The following FRAS1 variants were observed in gnomAD, a reference collection of about 807,000 sequenced individuals.
FRAS1 encodes extracellular matrix organizing protein FRAS1.
In FRAS1, 290 loss-of-function variants were observed where a neutral mutation model predicts 435.2. That is an observed-to-expected ratio of 0.67 (90% confidence interval 0.61 to 0.73). FRAS1 has a LOEUF of 0.73. Ranked by LOEUF, FRAS1 falls within the 30% of genes least tolerant of loss-of-function variation. The pLI is 0.00. For missense variants in FRAS1, 4,860 were observed against 5,001.5 expected, an observed-to-expected ratio of 0.97 and a Z score of 0.85; for synonymous variants, 1,800 against 1,851.0, an observed-to-expected ratio of 0.97 and a Z score of 0.71.
At chr4:78,517,741 G>T (rs924592655) in intron 66 of FRAS1, among the ~76,000 whole-genome samples, 1 of 151,998 alleles carries the variant, frequency 6.6e-6, no homozygotes, top group Middle Eastern at 3.2e-3. Flanking sequence ...ATATTTGTTG[G>T]GTTTTTTTTT....
At chr4:78,116,330 C>G (rs201798371) in intron 2 of FRAS1, among the ~76,000 whole-genome samples, 1 of 152,168 alleles carries the variant, frequency 6.6e-6, no homozygotes, top group East Asian at 1.9e-4. Context: ...GAGAGTTCTG[C>G]AGATGTCTAT....
intron 4 of FRAS1, among the ~76,000 whole-genome samples, chr4:78,250,524 T>G (rs1232551982): frequency 6.6e-6 from 1 of 152,184 alleles, no homozygotes; most frequent in Non-Finnish European, 1.5e-5. Context: ...ATCATTTTCT[T>G]CAGATAACAT....
chr4:78,474,046 C>T (rs1719791699), intron 53 of FRAS1, among the ~76,000 whole-genome samples: 1 of 152,200 alleles, frequency 6.6e-6, no homozygotes, highest in African/African-American at 2.4e-5. Flanking sequence ...TAAAAATAGG[C>T]ATTCAAGTTT....
intron 6 of FRAS1, among the ~76,000 whole-genome samples, chr4:78,259,974 C>T (rs1725999433): frequency 6.6e-6 from 1 of 152,124 alleles, no homozygotes; most frequent in South Asian, 2.1e-4. Flanking sequence ...AATCCTTTCC[C>T]CATTGCTTGT....
intron 61 of FRAS1, among the ~76,000 whole-genome samples, chr4:78,502,022 G>A (rs1472891101): frequency 6.6e-6 from 1 of 152,152 alleles, no homozygotes. Flanking sequence ...AAGATCAGAT[G>A]GTTGTAAATG....
At chr4:78,275,701 C>T (rs1285317675) in intron 9 of FRAS1, among the ~76,000 whole-genome samples, 2 of 152,196 alleles carry the variant, frequency 1.3e-5, no homozygotes, top group Non-Finnish European at 2.9e-5. Flanking sequence ...GTCTGATGGG[C>T]TTCCCTTTGT....
intron 66 of FRAS1, 76 bp from the exon 67 acceptor site, chr4:78,519,255 A>G: frequency 7.6e-7 from 1 of 1,322,152 alleles, no homozygotes. Context: ...ATGAAAATGG[A>G]ACCAAGATGT....
At chr4:78,430,719 G>A (rs915002810) in intron 37 of FRAS1, among the ~76,000 whole-genome samples, 5 of 152,018 alleles carry the variant, frequency 3.3e-5, no homozygotes, top group Non-Finnish European at 7.4e-5. Flanking sequence ...CACCATATGA[G>A]GGATCAGCTG....
At chr4:78,186,140 G>A (rs1278062353) in intron 2 of FRAS1, among the ~76,000 whole-genome samples, 1 of 152,150 alleles carries the variant, frequency 6.6e-6, no homozygotes, top group African/African-American at 2.4e-5. Flanking sequence ...ACTTGCAGAA[G>A]ATTCATATTT....
intron 3 of FRAS1, among the ~76,000 whole-genome samples, 164 bp downstream of exon 3, chr4:78,237,781 A>G (rs923637302): frequency 1.3e-5 from 2 of 152,126 alleles, no homozygotes; most frequent in African/African-American, 4.8e-5. Context: ...AGAATATCCT[A>G]TTTTCCAGAA....
intron 22 of FRAS1, among the ~76,000 whole-genome samples, chr4:78,366,685 A>C (rs1045279366): frequency 6.6e-6 from 1 of 152,142 alleles, no homozygotes; most frequent in Admixed American, 6.5e-5. Flanking sequence ...AGCTTCCCTC[A>C]GTGGTTTCTG....
intron 2 of FRAS1, among the ~76,000 whole-genome samples, chr4:78,082,089 G>A (rs1184448444): frequency 1.3e-5 from 2 of 152,016 alleles, no homozygotes; most frequent in Non-Finnish European, 2.9e-5. Flanking sequence ...TGCAATGTCT[G>A]TAAGTTTTTG....
rs1312632911 is a variant in FRAS1 at position 78,206,428 on chromosome 4, T to G, written c.109-31082T>G. Among the ~76,000 whole-genome samples, 9 of 152,166 alleles carry G rather than the reference T, an allele frequency of 5.9e-5. No homozygotes were observed. The East Asian group carries it at 1.7e-3, about 29-fold the overall frequency. On this transcript the variant is annotated intron_variant, in intron 2 of 73. Coordinates refer to ENST00000512123, the MANE Select transcript of FRAS1 (RefSeq NM_025074.7). ...CTTGACTTTAGCCCAGCTAAACCAA[T>G]TTCAAACTTCTCACTTCCAGGACCA... is the stretch of plus-strand genomic sequence containing the variant.
At chr4:78,354,866 G>A (rs554330650) in intron 20 of FRAS1, among the ~76,000 whole-genome samples, 50 of 152,184 alleles carry the variant, frequency 3.3e-4, no homozygotes, top group Non-Finnish European at 6.5e-4. Context: ...AAGCTTTTTT[G>A]ATTTTGATCC....
Position 78,478,070 on chromosome 4 carries a change from G to T in FRAS1, c.8098+9G>T, listed in dbSNP as rs1336043585. On this transcript the variant is annotated intron_variant, in intron 55 of 73. Coordinates refer to ENST00000512123, the MANE Select transcript of FRAS1 (RefSeq NM_025074.7). ...ACCTATTGAAAGAAAAGGTCTGTTGGTTCCACAGGTGACAAAGAGCTATAA... is the reference window on the plus strand; with the variant it reads ...ACCTATTGAAAGAAAAGGTCTGTTGTTTCCACAGGTGACAAAGAGCTATAA... The T allele has an allele frequency of 6.4e-6, 10 of 1,551,038 alleles. No individual in the cohort carries two copies. In the Admixed American group the frequency reaches 1.4e-4, roughly 21 times the overall value.
At chr4:78,201,403 A>T (rs1211924374) in intron 2 of FRAS1, among the ~76,000 whole-genome samples, 1 of 152,208 alleles carries the variant, frequency 6.6e-6, no homozygotes, top group Non-Finnish European at 1.5e-5. Context: ...TTTTAGAGGA[A>T]CTCGAAACTT....
intron 2 of FRAS1, chr4:78,181,847 C>T: frequency 5.0e-6 from 8 of 1,612,052 alleles, no homozygotes; most frequent in Admixed American, 1.7e-5. Flanking sequence ...CAGCTGTTTG[C>T]CTGCCGCGTT....
intron 47 of FRAS1, among the ~76,000 whole-genome samples, chr4:78,453,033 C>G (rs1457911837): frequency 6.7e-6 from 1 of 149,534 alleles, no homozygotes; most frequent in Non-Finnish European, 1.5e-5. Flanking sequence ...GAGGCACATT[C>G]AAAAAACAAC....
intron 23 of FRAS1, among the ~76,000 whole-genome samples, chr4:78,372,150 A>G (rs1560687378): frequency 6.6e-6 from 1 of 152,142 alleles, no homozygotes; most frequent in East Asian, 1.9e-4. Context: ...TGTTTTAGCA[A>G]CCTCTTTCTT....
Sources: allele counts gnomAD v4.1 joint callset (sites outside exome capture counted in the v4.1 genomes callset), GRCh38; gene constraint gnomAD v4.1.1; transcripts MANE v1.5; gene names NCBI Gene and HGNC (gene_info 2026-07-23, HGNC 2026-07-21).